Variants in NRG1 observed in about 807,000 individuals in gnomAD.
NRG1 encodes the protein neuregulin 1.
Under a neutral mutation model 63.8 loss-of-function variants are expected in NRG1, and 18 were observed. That is an observed-to-expected ratio of 0.28 (90% CI 0.19 to 0.42). The LOEUF is 0.42. Among genes scored for constraint, NRG1 ranks in the 10% least tolerant of loss-of-function variants. The pLI is 1.00. For synonymous variants in NRG1, 302 were observed against 301.3 expected (o/e 1.00, Z -0.02); for missense variants, 762 against 814.7 (o/e 0.94, Z 0.79).
chr8:32,092,553 G>T lies in NRG1; in HGVS notation c.37+453122G>T, dbSNP rs115063564. 9.5e-3 allele frequency among the ~76,000 whole-genome samples: 1,449 copies of T among 152,142 alleles called. 28 individuals carry two copies. The highest frequency in any genetic ancestry group is 0.033 in the African/African-American group (1,370 of 41,498). On this transcript the variant is annotated intron_variant, in intron 1 of 10. Coordinates refer to the NRG1 transcript ENST00000519301. Reference sequence around the variant, plus strand: ...AAGAACATTAAAAAGATTTGCTTGAGCTCTTGGTTGCCATGGCAGAGCTGC... The same window carrying T: ...AAGAACATTAAAAAGATTTGCTTGATCTCTTGGTTGCCATGGCAGAGCTGC...
chr8:32,427,324 C>T (rs964568064), intron 1 of NRG1, among the ~76,000 whole-genome samples: 3 of 152,134 alleles, frequency 2.0e-5, no homozygotes, highest in South Asian at 2.1e-4. Flanking sequence ...TGGCATTAAA[C>T]GTGGTAGATC....
At chr8:32,709,694 A>G (rs1589338667) in intron 5 of NRG1, among the ~76,000 whole-genome samples, 1 of 152,086 alleles carries the variant, frequency 6.6e-6, no homozygotes, top group Non-Finnish European at 1.5e-5. Context: ...GTGCTGGGAT[A>G]ATAGGTGTGA....
intron 1 of NRG1, among the ~76,000 whole-genome samples, chr8:31,786,435 A>T (rs1464746087): frequency 6.6e-6 from 1 of 152,188 alleles, no homozygotes; most frequent in Non-Finnish European, 1.5e-5. Context: ...TCTGCAGCTG[A>T]CACTAGCTGG....
intron 1 of NRG1, among the ~76,000 whole-genome samples, chr8:32,068,478 G>A (rs542347715): frequency 2.0e-5 from 3 of 152,254 alleles, no homozygotes; most frequent in Admixed American, 6.5e-5. Flanking sequence ...GAAAGGCCAC[G>A]GGGCTGTTTC....
intron 1 of NRG1, among the ~76,000 whole-genome samples, chr8:32,316,890 G>GT (rs1563307661): frequency 6.6e-6 from 1 of 152,196 alleles, no homozygotes; most frequent in Non-Finnish European, 1.5e-5. Flanking sequence ...GAAAGGGACC[G>GT]TGTAGGCTTG....
intron 1 of NRG1, among the ~76,000 whole-genome samples, chr8:32,142,285 T>C (rs1836370745): frequency 6.6e-6 from 1 of 152,174 alleles, no homozygotes; most frequent in African/African-American, 2.4e-5. Flanking sequence ...ATAATCCTGC[T>C]TTTTCACTAT....
intron 1 of NRG1, among the ~76,000 whole-genome samples, chr8:31,750,663 A>T (rs1470880362): frequency 2.0e-5 from 3 of 151,932 alleles, no homozygotes; most frequent in Non-Finnish European, 4.4e-5. Context: ...TTGCTATATA[A>T]ATCACATCTC....
At chr8:32,488,198 A>C (rs1453910948) in intron 1 of NRG1, among the ~76,000 whole-genome samples, 3 of 152,176 alleles carry the variant, frequency 2.0e-5, no homozygotes, top group Non-Finnish European at 2.9e-5. Context: ...TGAAGAACAG[A>C]GTTTCCAATC....
At chr8:32,129,105 G>C (rs1188316841) in intron 1 of NRG1, among the ~76,000 whole-genome samples, 1 of 151,884 alleles carries the variant, frequency 6.6e-6, no homozygotes, top group Admixed American at 6.6e-5. Context: ...CTCCATAAGA[G>C]CACAGTCATA....
rs1045084328 is a variant in NRG1, at chr8:32,742,969, T to A, written c.691+236T>A. The A allele has an allele frequency of 2.3e-5, 31 of 1,353,530 alleles. No individual in the cohort carries two copies. The African/African-American group carries it at 4.1e-4, about 18-fold the overall frequency. The allele number at this position is 1,353,530 out of a possible 1,614,324, so 83.8% of individuals were successfully genotyped here. Reference sequence around the variant, plus strand: ...ATAGGTGTGTGAGGCTCCGGATGTTTCTGGAATTGATATTGAATGATGTGA... The same window carrying A: ...ATAGGTGTGTGAGGCTCCGGATGTTACTGGAATTGATATTGAATGATGTGA... On this transcript the variant is annotated intron_variant, in intron 7 of 11. Coordinates refer to ENST00000356819, the Ensembl canonical transcript of NRG1. The surrounding 1 kb of genome is among the most constrained non-coding windows in gnomAD (Gnocchi z 4.2).
At chr8:31,704,345 A>G (rs887496112) in intron 1 of NRG1, among the ~76,000 whole-genome samples, 3 of 152,244 alleles carry the variant, frequency 2.0e-5, no homozygotes, top group African/African-American at 7.2e-5. Flanking sequence ...TGTTATACAC[A>G]ATATAAATAA....
intron 7 of NRG1, chr8:32,749,593 C>A: frequency 6.2e-7 from 1 of 1,613,280 alleles, no homozygotes; most frequent in Non-Finnish European, 8.5e-7. Flanking sequence ...GGGTATGGAC[C>A]AATCATCATT....
chr8:32,536,864 C>A (rs1369762470), intron 1 of NRG1, among the ~76,000 whole-genome samples: 1 of 126,448 alleles, frequency 7.9e-6, no homozygotes, highest in African/African-American at 3.1e-5. Flanking sequence ...GCGGAGCTTG[C>A]AGTGAGCGGA....
At chr8:32,143,899 C>A (rs568304675) in intron 1 of NRG1, among the ~76,000 whole-genome samples, 55 of 152,344 alleles carry the variant, frequency 3.6e-4, no homozygotes, top group African/African-American at 1.3e-3. Flanking sequence ...CAACACAGAC[C>A]TGATCGCACT....
intron 1 of NRG1, among the ~76,000 whole-genome samples, chr8:32,259,895 A>G (rs1328236344): frequency 6.6e-6 from 1 of 152,074 alleles, no homozygotes; most frequent in Non-Finnish European, 1.5e-5. Context: ...AATCAGCTTT[A>G]TACAAGAGTT....
intron 1 of NRG1, among the ~76,000 whole-genome samples, chr8:31,868,633 G>A (rs887594284): frequency 2.6e-5 from 4 of 152,016 alleles, no homozygotes; most frequent in African/African-American, 4.8e-5. Context: ...AAATGTATTC[G>A]CTCTTCTTTA....
intron 1 of NRG1, among the ~76,000 whole-genome samples, chr8:31,713,147 C>G (rs770364142): frequency 8.8e-4 from 109 of 123,778 alleles, no homozygotes; most frequent in Non-Finnish European, 1.0e-3. Context: ...GACGGAGTCT[C>G]GCTTTGTCGC....
intron 1 of NRG1, among the ~76,000 whole-genome samples, chr8:31,842,341 G>A (rs1363983612): frequency 1.3e-5 from 2 of 152,130 alleles, no homozygotes; most frequent in Admixed American, 6.6e-5. Context: ...CTTGTTTTAG[G>A]TCATGTACTT....
chr8:32,712,469 C>T (rs1818075442), intron 5 of NRG1, among the ~76,000 whole-genome samples: 1 of 152,086 alleles, frequency 6.6e-6, no homozygotes, highest in African/African-American at 2.4e-5. Flanking sequence ...AGCAACTGCG[C>T]ATGCTATTCA....
Sources: allele counts gnomAD v4.1 joint callset (sites outside exome capture counted in the v4.1 genomes callset), GRCh38; gene constraint gnomAD v4.1.1; non-coding constraint Gnocchi (gnomAD v3.1); transcripts MANE v1.5; gene names NCBI Gene and HGNC (gene_info 2026-07-23, HGNC 2026-07-21).